The following RUNDC3B variants were observed in gnomAD, a reference collection of about 807,000 sequenced individuals.
The protein encoded by RUNDC3B is RUN domain-containing protein 3B.
Under a neutral mutation model 58.4 loss-of-function variants are expected in RUNDC3B, and 33 were observed. The ratio of observed to expected loss-of-function variants is 0.56; its 90% CI spans 0.43 to 0.75. The LOEUF is 0.75. Among genes scored for constraint, RUNDC3B ranks in the 30% least tolerant of loss-of-function variants. The pLI, the probability that RUNDC3B is intolerant of heterozygous loss-of-function variation, is 0.00. For missense variants in RUNDC3B, 501 were observed against 535.7 expected, an observed-to-expected ratio of 0.94 and a Z score of 0.64; for synonymous variants, 193 against 195.2, an observed-to-expected ratio of 0.99 and a Z score of 0.10.
At chr7:87,659,341 A>C in intron 2 of RUNDC3B, 1 of 271,078 alleles carries the variant, frequency 3.7e-6, no homozygotes, top group South Asian at 3.6e-5. Context: ...TACTTTTTAG[A>C]ATTCCATTTT....
chr7:87,703,915 T>TTTTTTTTTTTTTTTTTTG (rs1829352814), intron 3 of RUNDC3B, among the ~76,000 whole-genome samples: 3 of 18,528 alleles, frequency 1.6e-4, no homozygotes, highest in Non-Finnish European at 2.2e-4. Flanking sequence ...TTTTTTTTGG[T>TTTTTTTTTTTTTTTTTTG]TTTTTTTTTT....
At chr7:87,664,618 T>C (rs1825047824) in intron 2 of RUNDC3B, among the ~76,000 whole-genome samples, 1 of 152,084 alleles carries the variant, frequency 6.6e-6, no homozygotes, top group African/African-American at 2.4e-5. Flanking sequence ...AAATAAAACA[T>C]TAACCAGATG....
At chr7:87,723,656 A>G (rs1411136491) in intron 4 of RUNDC3B, among the ~76,000 whole-genome samples, 1 of 152,226 alleles carries the variant, frequency 6.6e-6, no homozygotes, top group Non-Finnish European at 1.5e-5. Flanking sequence ...AAGAGTTTAA[A>G]TAATGTAATT....
At chr7:87,765,543 T>C (rs1203167999) in intron 6 of RUNDC3B, among the ~76,000 whole-genome samples, 1 of 152,114 alleles carries the variant, frequency 6.6e-6, no homozygotes, top group Non-Finnish European at 1.5e-5. Flanking sequence ...TGCCTTATTT[T>C]GTTTACCCAA....
intron 8 of RUNDC3B, among the ~76,000 whole-genome samples, chr7:87,797,522 TC>T (rs1835882238): frequency 6.6e-6 from 1 of 152,240 alleles, no homozygotes; most frequent in Admixed American, 6.5e-5. Flanking sequence ...ATGGAAAAGT[TC>T]CTGTCAGCCT....
In RUNDC3B at chr7:87,688,855, A is replaced by G. The variant is rs191182216; in HGVS notation, c.239-11566A>G. Among the ~76,000 whole-genome samples the G allele has an allele frequency of 4.7e-4, 72 of 152,058 alleles. No homozygotes were observed. The Middle Eastern group carries it at 0.021, about 44-fold the overall frequency. ...GGTATTTCTGGGTGAACAAAATCTT[A>G]TGTATTTGTATTTATTTATAATGAA... On this transcript the variant is annotated intron_variant, in intron 2 of 10. Transcript: ENST00000394654.
intron 9 of RUNDC3B, among the ~76,000 whole-genome samples, chr7:87,808,437 A>G (rs1002271212): frequency 1.3e-5 from 2 of 152,102 alleles, no homozygotes; most frequent in African/African-American, 4.8e-5. Flanking sequence ...ATATTTTAGT[A>G]CAAACAATTT....
At chr7:87,785,551 A>C (rs1182364853) in intron 8 of RUNDC3B, among the ~76,000 whole-genome samples, 1 of 152,088 alleles carries the variant, frequency 6.6e-6, no homozygotes, top group African/African-American at 2.4e-5. Context: ...CTGGCAAAAC[A>C]CTCAGGCGGG....
intron 1 of RUNDC3B, among the ~76,000 whole-genome samples, chr7:87,649,604 A>G (rs1442394967): frequency 6.6e-6 from 1 of 152,206 alleles, no homozygotes; most frequent in Non-Finnish European, 1.5e-5. Context: ...AAAAATAGAG[A>G]CAAAGGACAT....
chr7:87,696,067 G>A (rs919895901), intron 2 of RUNDC3B, among the ~76,000 whole-genome samples: 1 of 152,072 alleles, frequency 6.6e-6, no homozygotes, highest in Non-Finnish European at 1.5e-5. Flanking sequence ...GATGGGATGG[G>A]AATATGTTTT....
chr7:87,699,351 T>G (rs1044187899), intron 2 of RUNDC3B, among the ~76,000 whole-genome samples: 2 of 152,210 alleles, frequency 1.3e-5, no homozygotes, highest in Admixed American at 1.3e-4. Flanking sequence ...CATATTCCAC[T>G]TAAAAATACT....
intron 2 of RUNDC3B, among the ~76,000 whole-genome samples, chr7:87,674,323 A>G (rs988046884): frequency 6.6e-6 from 1 of 152,014 alleles, no homozygotes; most frequent in Non-Finnish European, 1.5e-5. Flanking sequence ...GCATCCATGC[A>G]TGCTCTCTTG....
chr7:87,741,489 A>C lies in RUNDC3B; in HGVS notation c.549-10A>C, dbSNP rs569729580. On this transcript the variant is annotated splice_polypyrimidine_tract_variant and intron_variant, in intron 5 of 10. Coordinates refer to ENST00000394654, the MANE Select transcript of RUNDC3B (RefSeq NM_001134405.2). ...TATTAATAGGAAATATTTATTTTCT[A>C]TTGTCTTAGTTTCTGCCTAAAGGGA... 5.7e-6 allele frequency: 8 copies of C among 1,411,542 alleles called. 1 individual carries two copies. The highest frequency in any genetic ancestry group is 4.9e-4 in the Middle Eastern group (2 of 4,092). The allele number at this position is 1,411,542 out of a possible 1,614,324, so 87.4% of individuals were successfully genotyped here.
intron 2 of RUNDC3B, among the ~76,000 whole-genome samples, chr7:87,688,921 A>T (rs1442907040): frequency 6.6e-6 from 1 of 152,008 alleles, no homozygotes; most frequent in Non-Finnish European, 1.5e-5. Context: ...ACCAAACTAG[A>T]ATTTTCAAGG....
chr7:87,776,335 G>A (rs1232964946), intron 7 of RUNDC3B, among the ~76,000 whole-genome samples: 1 of 152,038 alleles, frequency 6.6e-6, no homozygotes, highest in Non-Finnish European at 1.5e-5. Flanking sequence ...ACAGAAGAGT[G>A]AATAAACTGC....
chr7:87,790,628 A>T (rs1835472861), intron 8 of RUNDC3B, among the ~76,000 whole-genome samples: 1 of 152,122 alleles, frequency 6.6e-6, no homozygotes, highest in South Asian at 2.1e-4. Flanking sequence ...TCATAAATTT[A>T]ACAAAGAGAT....
chr7:87,706,893 T>C (rs1477432424), intron 3 of RUNDC3B, among the ~76,000 whole-genome samples: 1 of 152,172 alleles, frequency 6.6e-6, no homozygotes, highest in Non-Finnish European at 1.5e-5. Context: ...GAGGTAAAAC[T>C]GCTGATTGAT....
intron 2 of RUNDC3B, among the ~76,000 whole-genome samples, chr7:87,674,650 G>A (rs908052613): frequency 6.6e-6 from 1 of 152,016 alleles, no homozygotes; most frequent in Non-Finnish European, 1.5e-5. Flanking sequence ...TATTGGCAGG[G>A]GCTGGTCTGT....
In RUNDC3B at chr7:87,691,823, T is replaced by C. The variant is rs115083406; in HGVS notation, c.239-8598T>C. The stretch of plus-strand genomic sequence containing the variant: ...CATCAGTCAGGTCCTGCCTATCTCC[T>C]AAGGAGTAGGTCAGCTTGAAGTGAC... On this transcript the variant is annotated intron_variant, in intron 2 of 10. Transcript: ENST00000394654. Among the ~76,000 whole-genome samples, 496 of 152,318 alleles carry C rather than the reference T, an allele frequency of 3.3e-3. 3 individuals carry two copies. Among genetic ancestry groups the C allele is most frequent in the African/African-American group, 0.012 (486 of 41,556 alleles).
Sources: allele counts gnomAD v4.1 joint callset (sites outside exome capture counted in the v4.1 genomes callset), GRCh38; gene constraint gnomAD v4.1.1; transcripts MANE v1.5; gene names NCBI Gene and HGNC (gene_info 2026-07-23, HGNC 2026-07-21).